GALNT17: variants seen among roughly 807,000 people sequenced by gnomAD.
GALNT17 encodes UDP-GalNAc:polypeptide N-acetylgalactosaminyltransferase-like 3.
Under a neutral mutation model 63.7 loss-of-function variants are expected in GALNT17, and 29 were observed. That is an observed-to-expected ratio of 0.46 (90% confidence interval 0.34 to 0.62). The LOEUF is 0.62. Ranked by LOEUF, GALNT17 falls within the 20% of genes least tolerant of loss-of-function variation. The pLI is 0.01. For synonymous variants in GALNT17, 305 were observed against 318.3 expected (o/e 0.96, Z 0.45); for missense variants, 603 against 799.6 (o/e 0.75, Z 2.97).
rs535013558 is a variant in GALNT17, at chr7:71,151,919, C to T, written c.238+18879C>T. On this transcript the variant is annotated intron_variant, in intron 1 of 10. Coordinates refer to ENST00000333538, the MANE Select transcript of GALNT17 (RefSeq NM_022479.3). ...AAAAAATCATGATTTTTGCTGCCAC[C>T]GAATTTTAAATCATGCAAACATTTA... 3.0e-4 allele frequency among the ~76,000 whole-genome samples: 45 copies of T among 152,186 alleles called. No individual in the cohort carries two copies. The East Asian group carries it at 7.9e-3, about 27-fold the overall frequency.
chr7:71,589,016 G>A (rs1789760688), intron 6 of GALNT17, among the ~76,000 whole-genome samples: 1 of 152,162 alleles, frequency 6.6e-6, no homozygotes, highest in African/African-American at 2.4e-5. Flanking sequence ...GCTAAACGTG[G>A]GAAGTGAGTG....
rs1788748542 is a variant in GALNT17 at position 71,533,163 on chromosome 7, G to T, written c.963-38122G>T. On this transcript the variant is annotated intron_variant, in intron 5 of 10. Transcript: ENST00000333538. ...GGACTTGAGGCAGGAACCAACACAAGTTAGTAATATGGTGACTAGCTTGTG... is the reference window on the plus strand; with the variant it reads ...GGACTTGAGGCAGGAACCAACACAATTTAGTAATATGGTGACTAGCTTGTG... Among the ~76,000 whole-genome samples, 3 of 152,264 alleles carry T rather than the reference G, an allele frequency of 2.0e-5. No homozygotes were observed. In the South Asian group the frequency reaches 6.2e-4, roughly 32 times the overall value.
chr7:71,677,376 T>A (rs1791168831), intron 9 of GALNT17, 70 bp downstream of exon 9: 9 of 1,457,126 alleles, frequency 6.2e-6, no homozygotes, highest in Non-Finnish European at 3.7e-6. Flanking sequence ...CTTGCAGGCC[T>A]TCTGGATAAA....
chr7:71,412,098 T>G (rs536650189), intron 3 of GALNT17, among the ~76,000 whole-genome samples: 42 of 152,306 alleles, frequency 2.8e-4, no homozygotes, highest in African/African-American at 9.9e-4. Flanking sequence ...TGAGTATGGC[T>G]TCTCCAGCCC....
At chr7:71,316,252 G>GTCTGATCAGGATCCTGATCTGTGGA (rs1326723433) in intron 1 of GALNT17, among the ~76,000 whole-genome samples, 5,811 of 89,036 alleles carry the variant, frequency 0.065, 2,519 homozygotes, top group African/African-American at 0.097. Flanking sequence ...TGATCTGTGG[G>GTCTGATCAGGATCCTGATCTGTGGA]TCTGATCAGG....
chr7:71,152,110 G>T (rs2867040), intron 1 of GALNT17, among the ~76,000 whole-genome samples: 1 of 151,576 alleles, frequency 6.6e-6, no homozygotes, highest in Non-Finnish European at 1.5e-5. Context: ...TTTTTTCTGC[G>T]TGCCTACCCG....
chr7:71,662,576 A>G (rs951068017), intron 6 of GALNT17, among the ~76,000 whole-genome samples: 6 of 152,060 alleles, frequency 3.9e-5, no homozygotes, highest in African/African-American at 1.4e-4. Context: ...ACCACCTCCC[A>G]AGCAACCATC....
chr7:71,141,784 C>T (rs34353746), intron 1 of GALNT17, among the ~76,000 whole-genome samples: 62,699 of 149,484 alleles, frequency 0.42, 13,905 homozygotes, highest in Non-Finnish European at 0.48. Context: ...TCAAGTGATC[C>T]TCCTGCCTCA....
At chr7:71,242,705 G>A (rs1790021883) in intron 1 of GALNT17, among the ~76,000 whole-genome samples, 1 of 152,212 alleles carries the variant, frequency 6.6e-6, no homozygotes, top group South Asian at 2.1e-4. Context: ...TTTAGGGATA[G>A]TGGGGAGGAA....
At chr7:71,278,618 C>T (rs1281950606) in intron 1 of GALNT17, among the ~76,000 whole-genome samples, 6 of 152,144 alleles carry the variant, frequency 3.9e-5, no homozygotes, top group Admixed American at 3.9e-4. Flanking sequence ...GCTGGGGAGG[C>T]CTCAGAAAAC....
intron 5 of GALNT17, among the ~76,000 whole-genome samples, chr7:71,485,409 T>C (rs1305903619): frequency 6.6e-6 from 1 of 152,202 alleles, no homozygotes; most frequent in Non-Finnish European, 1.5e-5. Flanking sequence ...GTCAGGCATT[T>C]TTGTTCTTCT....
At chr7:71,542,919 G>A (rs1246927511) in intron 5 of GALNT17, among the ~76,000 whole-genome samples, 1 of 151,808 alleles carries the variant, frequency 6.6e-6, no homozygotes, top group Non-Finnish European at 1.5e-5. Flanking sequence ...ATGTGTTGGG[G>A]GTCCCGATAA....
intron 3 of GALNT17, among the ~76,000 whole-genome samples, chr7:71,389,893 A>C (rs879446662): frequency 1.3e-5 from 2 of 152,194 alleles, no homozygotes; most frequent in African/African-American, 2.4e-5. Context: ...ACTGTACAAC[A>C]GGCAAATATT....
intron 1 of GALNT17, among the ~76,000 whole-genome samples, chr7:71,283,153 C>A (rs1052367448): frequency 7.9e-5 from 12 of 151,750 alleles, no homozygotes; most frequent in African/African-American, 2.2e-4. Context: ...TGCCTCAGCC[C>A]CCCCCAAGTA....
chr7:71,573,528 AT>A (rs1170613289), intron 6 of GALNT17, among the ~76,000 whole-genome samples: 1 of 149,608 alleles, frequency 6.7e-6, no homozygotes, highest in African/African-American at 2.5e-5. Flanking sequence ...TAGAAATGGG[AT>A]TTCACTGTGG....
chr7:71,445,488 C>T (rs576006861), intron 5 of GALNT17, among the ~76,000 whole-genome samples: 3 of 151,500 alleles, frequency 2.0e-5, no homozygotes, highest in East Asian at 2.0e-4. Context: ...TGAGCCACTG[C>T]GCCCGGCCAG....
At chr7:71,427,675 A>G (rs1295751882) in intron 5 of GALNT17, among the ~76,000 whole-genome samples, 3 of 152,050 alleles carry the variant, frequency 2.0e-5, no homozygotes, top group African/African-American at 7.2e-5. Flanking sequence ...GTTGCGGACC[A>G]GGGCTGGTCC....
At chr7:71,436,501 C>T (rs1023007694) in intron 5 of GALNT17, among the ~76,000 whole-genome samples, 2 of 152,156 alleles carry the variant, frequency 1.3e-5, no homozygotes, top group East Asian at 1.9e-4. Flanking sequence ...AGGCAGATCA[C>T]GAGGTCAAGA....
At chr7:71,545,355 G>T (rs945386701) in intron 5 of GALNT17, among the ~76,000 whole-genome samples, 1 of 151,802 alleles carries the variant, frequency 6.6e-6, no homozygotes, top group African/African-American at 2.4e-5. Flanking sequence ...TTTTTGGTTT[G>T]CTTGTTTGTT....
Sources: allele counts gnomAD v4.1 joint callset (sites outside exome capture counted in the v4.1 genomes callset), GRCh38; gene constraint gnomAD v4.1.1; transcripts MANE v1.5; gene names NCBI Gene and HGNC (gene_info 2026-07-23, HGNC 2026-07-21).